Variants in MICU3 observed in about 807,000 individuals in gnomAD.
MICU3 encodes the protein calcium uptake protein 3, mitochondrial.
In MICU3, 62 loss-of-function variants were observed where a neutral mutation model predicts 66.5. That is an observed-to-expected ratio of 0.93 (90% CI 0.76 to 1.15). MICU3 has a LOEUF of 1.15. Among genes scored for constraint, MICU3 ranks in the 50% most tolerant of loss-of-function variants. The probability of loss-of-function intolerance (pLI) is 0.00; values close to 1 mark genes in which losing one functional copy is unlikely to be tolerated. For synonymous variants in MICU3, 308 were observed against 240.7 expected (o/e 1.28, Z -2.59); for missense variants, 779 against 664.4 (o/e 1.17, Z -1.90).
chr8:17,067,948 T>G (rs1457359598), intron 2 of MICU3, among the ~76,000 whole-genome samples: 1 of 152,150 alleles, frequency 6.6e-6, no homozygotes, highest in Non-Finnish European at 1.5e-5. Context: ...TGCATTATAA[T>G]CTTATTTTGC....
intron 8 of MICU3, among the ~76,000 whole-genome samples, chr8:17,095,073 T>C (rs574012247): frequency 4.0e-4 from 61 of 152,142 alleles, no homozygotes; most frequent in African/African-American, 1.4e-3. Flanking sequence ...TTTTTGATAG[T>C]CTGTTTTTCC....
At position 17,085,242 on chromosome 8, in the gene MICU3, A is replaced by G; in HGVS notation, c.701A>G (p.His234Arg). The G allele has an allele frequency of 1.9e-6, 3 of 1,605,152 alleles. No individual in the cohort carries two copies. Among genetic ancestry groups the G allele is most frequent in the Non-Finnish European group, 2.6e-6 (3 of 1,175,430 alleles). The change falls in exon 6 of 15, where the codon CAT (histidine) becomes CGT (arginine). Residue 234 changes from histidine to arginine, a missense_variant. By Grantham distance (29) the His-to-Arg change is conservative (BLOSUM62 0). Transcript: ENST00000318063. ...TCTCTGTTTTTTCTGGCAGAGCCAC[A>G]TGCAGGGTTCAGAATAGCTTTCAAC... is the stretch of plus-strand genomic sequence containing the variant. ...LFLLCILTKPHAGFRIAFNMF... is the reference protein window; with the variant it reads ...LFLLCILTKPRAGFRIAFNMF...
chr8:17,122,495 G>C lies in MICU3; in HGVS notation c.*2208G>C, dbSNP rs1413398673. On this transcript the variant is annotated 3_prime_UTR_variant, in exon 15 of 15. Transcript: ENST00000318063. The stretch of plus-strand genomic sequence containing the variant: ...TTACAGAAAGCATACATGATAAACA[G>C]TTTATGGTACTTCTCAGAATCATTT... 2 of 151,880 alleles carry C rather than the reference G, an allele frequency of 1.3e-5. No individual in the cohort carries two copies. The highest frequency in any genetic ancestry group is 6.6e-5 in the Admixed American group (1 of 15,244). The allele number at this position is 151,880 out of a possible 1,614,324, so 9.4% of individuals were successfully genotyped here.
Position 17,041,626 on chromosome 8 carries a change from G to A in MICU3, c.381+13966G>A, listed in dbSNP as rs185560563. Reference sequence around the variant, plus strand: ...TTTTTAAGATGGAAGACCCTCGATCGTGTTTAAATGCTGATGGAAAAAAGA... The same window carrying A: ...TTTTTAAGATGGAAGACCCTCGATCATGTTTAAATGCTGATGGAAAAAAGA... On this transcript the variant is annotated intron_variant, in intron 1 of 14. Transcript: ENST00000318063. 1.5e-3 allele frequency among the ~76,000 whole-genome samples: 230 copies of A among 152,094 alleles called. 3 individuals are homozygous for A. Among genetic ancestry groups the A allele is most frequent in the Admixed American group, 2.4e-3 (37 of 15,274 alleles).
rs1803227678 is a variant in MICU3 at position 17,121,974 on chromosome 8, T to TG, written c.*1688dup. ...AATATGATTTGGTACCTAAAGTAAT[T>TG]GAAAAAAATGCAGTTTCCTTTAATC... On this transcript the variant is annotated 3_prime_UTR_variant, in exon 15 of 15. Coordinates refer to ENST00000318063, the MANE Select transcript of MICU3 (RefSeq NM_181723.3). 1 of 151,758 alleles carries TG rather than the reference T, an allele frequency of 6.6e-6. No individual in the cohort carries two copies. The highest frequency in any genetic ancestry group is 2.4e-5 in the African/African-American group (1 of 41,416). 9.4% of individuals were successfully genotyped at this position (151,758 alleles called of 1,614,324 possible).
At chr8:17,138,116 A>T in the MICU3 span, among the ~76,000 whole-genome samples, 43 of 152,186 alleles carry the variant, frequency 2.8e-4, no homozygotes, top group African/African-American at 1.0e-3. Flanking sequence ...GATACCAAAG[A>T]TGTCACCCAC....
At chr8:17,089,272 A>G (rs1255228529) in intron 7 of MICU3, among the ~76,000 whole-genome samples, 5 of 152,040 alleles carry the variant, frequency 3.3e-5, no homozygotes, top group East Asian at 3.9e-4. Flanking sequence ...ACTTTACACT[A>G]TAGCTCTCCA....
chr8:17,101,625 C>A (rs1801262406), intron 9 of MICU3, among the ~76,000 whole-genome samples: 1 of 151,814 alleles, frequency 6.6e-6, no homozygotes, highest in African/African-American at 2.4e-5. Flanking sequence ...ACAAAGCCAT[C>A]TTATTTTAGT....
At chr8:17,028,271 A>T (rs1264816231) in intron 1 of MICU3, among the ~76,000 whole-genome samples, 3 of 152,168 alleles carry the variant, frequency 2.0e-5, no homozygotes, top group African/African-American at 7.2e-5. Flanking sequence ...CACTAAAGCC[A>T]GAATCCCGTT....
At chr8:17,073,410 A>C (rs1027315741) in intron 3 of MICU3, among the ~76,000 whole-genome samples, 1 of 151,892 alleles carries the variant, frequency 6.6e-6, no homozygotes, top group Non-Finnish European at 1.5e-5. Context: ...TGTGCTTCTT[A>C]TGAGAATCTA....
At chr8:17,038,843 C>A (rs1002953048) in intron 1 of MICU3, among the ~76,000 whole-genome samples, 201 of 151,970 alleles carry the variant, frequency 1.3e-3, no homozygotes, top group African/African-American at 4.6e-3. Flanking sequence ...GTCCCAGCTG[C>A]TCGGGAGGCT....
chr8:17,080,941 C>G (rs1212083405), intron 4 of MICU3, among the ~76,000 whole-genome samples: 1 of 152,114 alleles, frequency 6.6e-6, no homozygotes, highest in Non-Finnish European at 1.5e-5. Context: ...TGATGTCAAT[C>G]TTCTCAGTAT....
chr8:17,090,498 T>C, intron 7 of MICU3, 48 bp from the exon 8 acceptor site: 1 of 1,557,470 alleles, frequency 6.4e-7, no homozygotes, highest in Non-Finnish European at 8.8e-7. Flanking sequence ...GTACTTGGGT[T>C]CATTCTGAAA....
chr8:17,112,112 T>C (rs1180105501), intron 11 of MICU3, among the ~76,000 whole-genome samples: 1 of 152,070 alleles, frequency 6.6e-6, no homozygotes, highest in African/African-American at 2.4e-5. Context: ...CATGGGGGGA[T>C]TATAGGTCCC....
Position 17,027,557 on chromosome 8 carries a change from C to G in MICU3, c.278C>G (p.Ser93Trp). Residue 93 changes from serine to tryptophan, a missense_variant, in exon 1 of 15, where the codon TCG (serine) becomes TGG (tryptophan). Coordinates refer to ENST00000318063, the MANE Select transcript of MICU3 (RefSeq NM_181723.3). Reference protein sequence around the residue: ...YQLYGDPRAGSPATGRPSKSA... With the variant: ...YQLYGDPRAGWPATGRPSKSA... ...CTGTACGGGGACCCCAGGGCCGGCT[C>G]GCCGGCGACCGGGCGACCCTCAAAG... 2 of 1,280,260 alleles carry G rather than the reference C, an allele frequency of 1.6e-6. No individual in the cohort carries two copies. The highest frequency in any genetic ancestry group is 5.2e-5 in the South Asian group (2 of 38,294). 79.3% of individuals were successfully genotyped at this position (1,280,260 alleles called of 1,614,324 possible). A position where few individuals can be genotyped will look rare whatever the true frequency, so the allele number is the denominator to read the frequency against.
chr8:17,032,506 T>C (rs1227987785), intron 1 of MICU3, among the ~76,000 whole-genome samples: 1 of 152,214 alleles, frequency 6.6e-6, no homozygotes, highest in Non-Finnish European at 1.5e-5. Context: ...CATATTTGAG[T>C]ATTACTGTGG....
At chr8:17,119,532 CATAGATAGATAGATAGATAG>C (rs10524011) in intron 14 of MICU3, among the ~76,000 whole-genome samples, 3 of 124,100 alleles carry the variant, frequency 2.4e-5, no homozygotes, top group Admixed American at 7.8e-5. Flanking sequence ...AAGCTTGAAG[CATAGATAGATAGATAGATAG>C]ATAGATAGAT....
intron 8 of MICU3, among the ~76,000 whole-genome samples, chr8:17,092,235 A>G (rs1344056726): frequency 6.6e-6 from 1 of 151,990 alleles, no homozygotes; most frequent in Non-Finnish European, 1.5e-5. Context: ...TCTAACTTTG[A>G]CAATTTTTAT....
intron 1 of MICU3, among the ~76,000 whole-genome samples, chr8:17,044,606 A>T (rs184500559): frequency 6.6e-6 from 1 of 152,230 alleles, no homozygotes; most frequent in African/African-American, 2.4e-5. Flanking sequence ...TCCAAAAGCA[A>T]TGTGGATCTT....
Sources: allele counts gnomAD v4.1 joint callset (sites outside exome capture counted in the v4.1 genomes callset), GRCh38; gene constraint gnomAD v4.1.1; transcripts MANE v1.5; gene names NCBI Gene and HGNC (gene_info 2026-07-23, HGNC 2026-07-21).